DIAPH2: variants seen among roughly 807,000 people sequenced by gnomAD.
The protein encoded by DIAPH2 is diaphanous related formin 2.
DIAPH2 carries 35 observed loss-of-function variants against 92.7 expected under a neutral mutation model. The ratio of observed to expected loss-of-function variants is 0.38; its 90% confidence interval spans 0.29 to 0.50. The LOEUF (loss-of-function observed/expected upper bound fraction) is 0.50. Ranked by LOEUF, DIAPH2 falls within the 20% of genes least tolerant of loss-of-function variation. The pLI, the probability that DIAPH2 is intolerant of heterozygous loss-of-function variation, is 0.94. For synonymous variants in DIAPH2, 301 were observed against 280.4 expected (o/e 1.07, Z -0.73); for missense variants, 701 against 819.5 (o/e 0.86, Z 1.77).
rs144861445 is a variant in DIAPH2, at chrX:97,426,049, C to G, written c.3146-3601C>G. Among the ~76,000 whole-genome samples the G allele has an allele frequency of 2.7e-5, 3 of 110,077 alleles. No homozygotes were observed. In the Admixed American group the frequency reaches 2.9e-4, roughly 11 times the overall value. On this transcript the variant is annotated intron_variant, in intron 25 of 26. Transcript: ENST00000324765. Reference sequence around the variant, plus strand: ...GGACCCACATTTCCAACTTCTTTTTCATTATTTCTACTTATATATTTCTTA... The same window carrying G: ...GGACCCACATTTCCAACTTCTTTTTGATTATTTCTACTTATATATTTCTTA...
At chrX:97,167,953 G>T (rs1172381431) in intron 22 of DIAPH2, among the ~76,000 whole-genome samples, 1 of 111,441 alleles carries the variant, frequency 9.0e-6, no homozygotes, top group Non-Finnish European at 1.9e-5. Flanking sequence ...ATTAGTTATT[G>T]AAATATTACA....
intron 26 of DIAPH2, among the ~76,000 whole-genome samples, chrX:97,448,161 A>T (rs2070328849): frequency 8.9e-6 from 1 of 111,943 alleles, no homozygotes; most frequent in Non-Finnish European, 1.9e-5. Context: ...AATTTGAACA[A>T]GTGGAGAGAA....
chrX:96,793,831 A>G (rs182584117), intron 4 of DIAPH2, among the ~76,000 whole-genome samples: 32 of 112,071 alleles, frequency 2.9e-4, no homozygotes, highest in African/African-American at 9.7e-4. Context: ...TAAAAAGACC[A>G]TATATCAAAC....
chrX:97,000,873 C>T (rs970985781), intron 17 of DIAPH2, among the ~76,000 whole-genome samples: 5 of 111,253 alleles, frequency 4.5e-5, no homozygotes, highest in African/African-American at 1.6e-4. Context: ...CACTTATCCA[C>T]ACTGTCACAC....
At chrX:97,477,862 T>C (rs1053462856) in intron 26 of DIAPH2, among the ~76,000 whole-genome samples, 3 of 111,618 alleles carry the variant, frequency 2.7e-5, no homozygotes, top group Non-Finnish European at 5.6e-5. Context: ...TGCATGTGTG[T>C]TTGACTAATG....
chrX:96,830,297 C>A (rs1029729049), intron 4 of DIAPH2, among the ~76,000 whole-genome samples: 1 of 110,651 alleles, frequency 9.0e-6, no homozygotes, highest in Non-Finnish European at 1.9e-5. Context: ...GTGGGCCAGG[C>A]GTGGTGGCTC....
intron 22 of DIAPH2, among the ~76,000 whole-genome samples, chrX:97,239,287 G>C (rs2147537291): frequency 9.0e-6 from 1 of 111,558 alleles, no homozygotes; most frequent in African/African-American, 3.2e-5. Context: ...ATGTATTAGA[G>C]AAAGTCTGTC....
intron 12 of DIAPH2, 132 bp downstream of exon 12, chrX:96,939,514 ATG>A (rs756760690): frequency 2.5e-4 from 12 of 48,525 alleles, no homozygotes; most frequent in African/African-American, 5.5e-4. Context: ...ATATATATGT[ATG>A]TATATATATA....
intron 19 of DIAPH2, among the ~76,000 whole-genome samples, chrX:97,090,254 CTAAGAG>C (rs2066813262): frequency 2.0e-5 from 2 of 100,318 alleles, no homozygotes; most frequent in Non-Finnish European, 4.0e-5. Flanking sequence ...AAATGAATGA[CTAAGAG>C]TAAGAATTGT....
intron 24 of DIAPH2, among the ~76,000 whole-genome samples, chrX:97,374,035 G>C (rs778618485): frequency 5.4e-5 from 6 of 110,286 alleles, no homozygotes; most frequent in African/African-American, 2.0e-4. Context: ...ATCACATAAG[G>C]CTTTATATGC....
At chrX:96,820,824 A>T (rs2064772723) in intron 4 of DIAPH2, among the ~76,000 whole-genome samples, 1 of 111,836 alleles carries the variant, frequency 8.9e-6, no homozygotes, top group South Asian at 3.8e-4. Context: ...TGCTATAAAA[A>T]GAATTAAAAT....
chrX:97,215,310 C>T (rs1424635608), intron 22 of DIAPH2, among the ~76,000 whole-genome samples: 1 of 111,332 alleles, frequency 9.0e-6, no homozygotes, highest in Non-Finnish European at 1.9e-5. Flanking sequence ...GGTCAACATT[C>T]CACATTGAGG....
intron 17 of DIAPH2, among the ~76,000 whole-genome samples, chrX:97,039,629 G>A (rs1255223716): frequency 9.0e-6 from 1 of 111,371 alleles, no homozygotes; most frequent in Non-Finnish European, 1.9e-5. Flanking sequence ...GTCTCCATTT[G>A]TGACAGTCTC....
At chrX:96,703,498 G>A (rs1321734642) in intron 1 of DIAPH2, among the ~76,000 whole-genome samples, 2 of 111,344 alleles carry the variant, frequency 1.8e-5, no homozygotes, top group African/African-American at 6.5e-5. Context: ...CTTGCTCCCA[G>A]CCTACTATTC....
At chrX:97,316,778 GA>G (rs1044343689) in intron 23 of DIAPH2, among the ~76,000 whole-genome samples, 2 of 111,205 alleles carry the variant, frequency 1.8e-5, no homozygotes, top group African/African-American at 3.3e-5. Context: ...ACATATTAAG[GA>G]AAAAAAACAT....
At chrX:97,363,338 A>T (rs1449556912) in intron 24 of DIAPH2, among the ~76,000 whole-genome samples, 2 of 111,300 alleles carry the variant, frequency 1.8e-5, no homozygotes, top group African/African-American at 6.5e-5. Flanking sequence ...GAGAAAACAA[A>T]GCAAAACAGT....
chrX:97,088,549 AT>A (rs1038205686), intron 19 of DIAPH2, among the ~76,000 whole-genome samples: 1 of 111,719 alleles, frequency 9.0e-6, no homozygotes, highest in African/African-American at 3.3e-5. Context: ...GATATTTTCA[AT>A]TAGATATTTT....
At chrX:96,879,488 C>T (rs1455888551) in intron 4 of DIAPH2, among the ~76,000 whole-genome samples, 1 of 111,848 alleles carries the variant, frequency 8.9e-6, no homozygotes, top group Non-Finnish European at 1.9e-5. Flanking sequence ...AGTTTTCAGA[C>T]TGGCACATGT....
Position 97,114,633 on chromosome X carries a change from T to C in DIAPH2, c.2350-93T>C. The C allele has an allele frequency of 3.8e-6, 3 of 791,125 alleles. No individual in the cohort carries two copies. The South Asian group carries it at 1.7e-4, about 45-fold the overall frequency. 65.2% of individuals were successfully genotyped at this position (791,125 alleles called of 1,213,427 possible). Reference sequence around the variant, plus strand: ...AGAGCAAACTGACTTTATGCAGAAATGTTACAGTGTTGTCTATGAAATTAT... The same window carrying C: ...AGAGCAAACTGACTTTATGCAGAAACGTTACAGTGTTGTCTATGAAATTAT... On this transcript the variant is annotated intron_variant, in intron 20 of 26. Transcript: ENST00000324765.
Sources: gnomAD v4.1 joint callset for allele counts (sites outside exome capture counted in the v4.1 genomes callset) on GRCh38, gnomAD v4.1.1 for gene constraint, MANE v1.5 for transcripts, NCBI Gene and HGNC (gene_info 2026-07-23, HGNC 2026-07-21) for gene names.